Variants in KCNJ18 observed in about 807,000 individuals in gnomAD.
The protein encoded by KCNJ18 is potassium inwardly rectifying channel subfamily J member 18.
A neutral mutation model predicts 17.3 loss-of-function variants in KCNJ18; 16 were observed. The observed-to-expected ratio is 0.92, with a 90% confidence interval of 0.62 to 1.40. KCNJ18 has a LOEUF of 1.40. Ranked by LOEUF, KCNJ18 falls within the 40% of genes most tolerant of loss-of-function variation. The pLI is 0.00. For missense variants in KCNJ18, 462 were observed against 626.8 expected, an observed-to-expected ratio of 0.74 and a Z score of 2.81; for synonymous variants, 185 against 262.6, an observed-to-expected ratio of 0.70 and a Z score of 2.86.
At position 21,692,868 on chromosome 17, in the gene KCNJ18, T is replaced by C. The variant is rs1233838610; in HGVS notation, c.-179+154T>C. ...CCGGACTGCAGCTTCGTCACCACCT[T>C]CAATTTCATGGCACACCCTCTGAGA... is the stretch of plus-strand genomic sequence containing the variant. On this transcript the variant is annotated intron_variant, in intron 1 of 2. Coordinates refer to ENST00000567955, the MANE Select transcript of KCNJ18 (RefSeq NM_001194958.2). 3.9e-5 allele frequency among the ~76,000 whole-genome samples: 6 copies of C among 152,308 alleles called. No homozygotes were observed. The South Asian group carries it at 6.2e-4, about 16-fold the overall frequency.
Position 21,702,841 on chromosome 17 carries a change from G to C in KCNJ18, c.55G>C (p.Gly19Arg). 1.9e-6 allele frequency: 3 copies of C among 1,598,984 alleles called. No homozygotes were observed. Among genetic ancestry groups the C allele is most frequent in the Middle Eastern group, 1.7e-4 (1 of 6,056 alleles). Reference protein sequence around the residue: ...PYSIVSLEEDGLHLVTMSGAN... With the variant: ...PYSIVSLEEDRLHLVTMSGAN... ...CAGCATCGTGTCATTGGAGGAGGAC[G>C]GGCTGCACCTGGTCACCATGTCGGG... The change falls in exon 3 of 3, where the codon GGG becomes CGG. Residue 19 changes from glycine to arginine, a missense_variant. Physicochemically the swap from Gly to Arg is moderately radical, Grantham distance 125 (BLOSUM62 -2). Coordinates refer to ENST00000567955, the MANE Select transcript of KCNJ18 (RefSeq NM_001194958.2).
rs1906100996 is a variant in KCNJ18 at position 21,704,530 on chromosome 17, A to T, written c.*442A>T. Reference sequence around the variant, plus strand: ...GCTTGGGTGAGACTGTTTACAAAAAAAAAAAAAACCATGCAATTGGAGAAA... The same window carrying T: ...GCTTGGGTGAGACTGTTTACAAAAATAAAAAAAACCATGCAATTGGAGAAA... On this transcript the variant is annotated 3_prime_UTR_variant, in exon 3 of 3. Coordinates refer to ENST00000567955, the MANE Select transcript of KCNJ18 (RefSeq NM_001194958.2). The T allele has an allele frequency of 7.0e-6, 1 of 143,088 alleles. No homozygotes were observed. The highest frequency in any genetic ancestry group is 2.9e-5 in the African/African-American group (1 of 34,968). The allele number at this position is 143,088 out of a possible 1,614,324, so 8.9% of individuals were successfully genotyped here. A position where few individuals can be genotyped will look rare whatever the true frequency, so the allele number is the denominator to read the frequency against.
chr17:21,694,764 C>A (rs1905704041), intron 1 of KCNJ18, among the ~76,000 whole-genome samples: 1 of 152,080 alleles, frequency 6.6e-6, no homozygotes, highest in Admixed American at 6.6e-5. Flanking sequence ...ATCCACCCAT[C>A]CACTCATCCA....
At chr17:21,699,794 C>A (rs1371236262) in intron 2 of KCNJ18, among the ~76,000 whole-genome samples, 3 of 152,304 alleles carry the variant, frequency 2.0e-5, no homozygotes, top group African/African-American at 7.2e-5. Context: ...TGTGGCAGCA[C>A]CCTCACCAGT....
At chr17:21,698,405 A>G (rs1349507080) in intron 2 of KCNJ18, among the ~76,000 whole-genome samples, 9 of 152,042 alleles carry the variant, frequency 5.9e-5, no homozygotes, top group South Asian at 4.1e-4. Flanking sequence ...CTTGATAGAT[A>G]CTGAGTGCTG....
At position 21,703,645 on chromosome 17, in the gene KCNJ18, G is replaced by A; in HGVS notation, c.859G>A (p.Asp287Asn). The change falls in exon 3 of 3, where the codon GAC (aspartate) becomes AAC (asparagine). Residue 287 changes from aspartate to asparagine, a missense_variant. By Grantham distance (23) the Asp-to-Asn change is conservative (BLOSUM62 1). This residue lies in a region of KCNJ18 where 55 missense variants were observed against 69.1 expected (regional missense o/e 0.80). Transcript: ENST00000567955. ...ASPLFGISRQ[D>N]LETDDFEIVV... ...CCCGCTCTTCGGCATCAGCCGGCAG[G>A]ACCTGGAGACGGACGACTTTGAGAT... 4 of 1,609,018 alleles carry A rather than the reference G, an allele frequency of 2.5e-6. No homozygotes were observed. Among genetic ancestry groups the A allele is most frequent in the Non-Finnish European group, 3.4e-6 (4 of 1,176,730 alleles).
In KCNJ18 at chr17:21,704,094, C is replaced by T; in HGVS notation, c.*6C>T. On this transcript the variant is annotated 3_prime_UTR_variant, in exon 3 of 3. Transcript: ENST00000567955. ...GACGGGGGTCAGAGATCTGAGCCAA[C>T]CTTGGCCGACATGCAGCATCCACCC... 2.6e-6 allele frequency: 4 copies of T among 1,540,628 alleles called. No homozygotes were observed. The highest frequency in any genetic ancestry group is 2.4e-5 in the East Asian group (1 of 42,550).
At chr17:21,701,793 C>T (rs1256753642) in intron 2 of KCNJ18, among the ~76,000 whole-genome samples, 2 of 152,262 alleles carry the variant, frequency 1.3e-5, no homozygotes, top group South Asian at 2.1e-4. Flanking sequence ...CACCTATAAT[C>T]CCAGCTGCTC....
At chr17:21,699,506 T>C (rs1221153707) in intron 2 of KCNJ18, among the ~76,000 whole-genome samples, 92 of 71,316 alleles carry the variant, frequency 1.3e-3, no homozygotes, top group African/African-American at 3.2e-3. Flanking sequence ...CACACACACA[T>C]GCACACACGG....
At chr17:21,693,100 C>G (rs1905651253) in intron 1 of KCNJ18, among the ~76,000 whole-genome samples, 2 of 152,306 alleles carry the variant, frequency 1.3e-5, no homozygotes. Flanking sequence ...CCTCCCCATC[C>G]AGGATTGTGA....
chr17:21,702,691 G>A, intron 2 of KCNJ18, 40 bp from the exon 3 acceptor site: 1 of 1,386,810 alleles, frequency 7.2e-7, no homozygotes, highest in East Asian at 2.5e-5. Flanking sequence ...GGAGCCTGGA[G>A]CCACCAGCCC....
Position 21,703,965 on chromosome 17 carries a change from C to T in KCNJ18, c.1179C>T (p.Asp393=), listed in dbSNP as rs1230733742. 3.7e-5 allele frequency: 60 copies of T among 1,606,474 alleles called. No individual in the cohort carries two copies. Among genetic ancestry groups the T allele is most frequent in the Admixed American group, 2.0e-4 (12 of 59,944 alleles). The part of the protein sequence containing the change: ...FLSRDEEDEA[D]GDQDGRSRDG... ...GCCGTGACGAGGAGGATGAGGCGGA[C>T]GGAGACCAGGACGGCCGAAGCCGGG... The change falls in exon 3 of 3, where the codon GAC becomes GAT. Residue 393 remains aspartate (D), a synonymous_variant. Coordinates refer to ENST00000567955, the MANE Select transcript of KCNJ18 (RefSeq NM_001194958.2).
chr17:21,702,653 C>G (rs1235221163), intron 2 of KCNJ18, 78 bp from the exon 3 acceptor site: 17 of 957,112 alleles, frequency 1.8e-5, no homozygotes, highest in Non-Finnish European at 2.6e-5. Context: ...CCTCCAGTCA[C>G]GTCTGGGGGC....
intron 2 of KCNJ18, among the ~76,000 whole-genome samples, chr17:21,701,912 AAAAAG>A (rs1905967157): frequency 6.8e-6 from 1 of 147,118 alleles, no homozygotes; most frequent in African/African-American, 2.6e-5. Context: ...ATTCTGTCTA[AAAAAG>A]AAAAAAAAAA....
chr17:21,695,587 T>G (rs1317132105), intron 1 of KCNJ18, among the ~76,000 whole-genome samples: 1 of 152,304 alleles, frequency 6.6e-6, no homozygotes, highest in East Asian at 1.9e-4. Flanking sequence ...GCTGAGGGCC[T>G]GAATTCCTTT....
intron 1 of KCNJ18, among the ~76,000 whole-genome samples, chr17:21,694,731 T>C (rs1905703281): frequency 6.7e-6 from 1 of 148,886 alleles, no homozygotes; most frequent in Non-Finnish European, 1.5e-5. Context: ...TACCCACCCA[T>C]ACACTCATCC....
chr17:21,695,750 C>T (rs1229750209), intron 1 of KCNJ18, among the ~76,000 whole-genome samples: 1 of 152,308 alleles, frequency 6.6e-6, no homozygotes. Flanking sequence ...TAATTGTCAG[C>T]GGTCATTTTT....
chr17:21,696,442 G>C (rs1267997097), intron 2 of KCNJ18, among the ~76,000 whole-genome samples: 5 of 151,978 alleles, frequency 3.3e-5, no homozygotes, highest in Admixed American at 3.3e-4. Context: ...CCATCTGCCT[G>C]ACCACCCACA....
intron 2 of KCNJ18, among the ~76,000 whole-genome samples, chr17:21,697,901 C>T (rs1398086782): frequency 1.6e-4 from 24 of 152,424 alleles, no homozygotes; most frequent in Non-Finnish European, 2.9e-4. Context: ...ATGGTGCTTG[C>T]CTGGGCGAGG....
Sources: allele counts gnomAD v4.1 joint callset (sites outside exome capture counted in the v4.1 genomes callset), GRCh38; gene constraint gnomAD v4.1.1; regional missense constraint gnomAD v4.1.1; transcripts MANE v1.5; gene names NCBI Gene and HGNC (gene_info 2026-07-23, HGNC 2026-07-21).